The following ABCG8 variants were observed in gnomAD, a reference collection of about 807,000 sequenced individuals.
ABCG8 encodes the protein ATP binding cassette subfamily G member 8.
A neutral mutation model predicts 71.3 loss-of-function variants in ABCG8; 81 were observed. The ratio of observed to expected loss-of-function variants is 1.14; its 90% confidence interval spans 0.95 to 1.37. The LOEUF (loss-of-function observed/expected upper bound fraction) is 1.37, where lower values mean the gene tolerates loss of function less well. ABCG8 is among the 40% of genes most tolerant of loss of function. The pLI is 0.00. For missense variants in ABCG8, 1,119 were observed against 866.2 expected (o/e 1.29, Z -3.66); for synonymous variants, 451 against 354.7 (o/e 1.27, Z -3.05).
intron 1 of ABCG8, 110 bp downstream of exon 1, chr2:43,839,226 C>T (rs1668471534): frequency 8.3e-7 from 1 of 1,211,718 alleles, no homozygotes; most frequent in South Asian, 1.3e-5. Context: ...GGACATCAAG[C>T]AGTGTGAGGA....
In ABCG8 at chr2:43,839,079, G is replaced by C; in HGVS notation, c.26G>C (p.Arg9Thr). 1 of 1,551,220 alleles carries C rather than the reference G, an allele frequency of 6.4e-7. No homozygotes were observed. Among genetic ancestry groups the C allele is most frequent in the Non-Finnish European group, 8.7e-7 (1 of 1,146,814 alleles). ...ATGGCCGGGAAGGCGGCAGAGGAGA[G>C]AGGGCTGCCGAAAGGGGCCACTCCC... The part of the protein sequence containing the change: MAGKAAEE[R>T]GLPKGATPQD... The change falls in exon 1 of 13, where the codon AGA becomes ACA. Residue 9 changes from arginine to threonine, a missense_variant. By Grantham distance (71) the Arg-to-Thr change is moderately conservative. Coordinates refer to ENST00000272286, the MANE Select transcript of ABCG8 (RefSeq NM_022437.3).
At chr2:43,846,091 A>G in intron 2 of ABCG8, 64 bp from the exon 3 acceptor site, 1 of 1,583,388 alleles carries the variant, frequency 6.3e-7, no homozygotes, top group Non-Finnish European at 8.7e-7. Context: ...GATGCTGAAC[A>G]GAAGTTGCTG....
At chr2:43,851,422 C>T (rs1668909801) in intron 3 of ABCG8, among the ~76,000 whole-genome samples, 162 bp from the exon 4 acceptor site, 2 of 152,354 alleles carry the variant, frequency 1.3e-5, no homozygotes, top group Middle Eastern at 6.8e-3. Flanking sequence ...TGTCCTGGGC[C>T]CACCCCATCT....
chr2:43,880,562 T>C lies in ABCG8; in HGVS notation c.*2649T>C, dbSNP rs4521094. 0.27 allele frequency: 40,515 copies of C among 151,840 alleles called. 6,007 individuals carry two copies. Among genetic ancestry groups the C allele is most frequent in the East Asian group, 0.59 (3,065 of 5,156 alleles). The allele number at this position is 151,840 out of a possible 1,614,324, so 9.4% of individuals were successfully genotyped here. A position where few individuals can be genotyped will look rare whatever the true frequency, so the allele number is the denominator to read the frequency against. On this transcript the variant is annotated 3_prime_UTR_variant, in exon 13 of 13. Transcript: ENST00000272286. ...GGGTTCCTCTTAGTGGAAAATGGTA[T>C]TTAGAAGCCAAGGTTTTGGTGATAA...
At chr2:43,853,392 C>T (rs762518155) in intron 6 of ABCG8, among the ~76,000 whole-genome samples, 7 of 152,186 alleles carry the variant, frequency 4.6e-5, no homozygotes, top group Non-Finnish European at 1.0e-4. Context: ...GCATATTACA[C>T]TCAGGGAGCA....
At chr2:43,874,975 G>A (rs1572867328) in intron 10 of ABCG8, among the ~76,000 whole-genome samples, 171 bp from the exon 11 acceptor site, 1 of 152,122 alleles carries the variant, frequency 6.6e-6, no homozygotes, top group African/African-American at 2.4e-5. Flanking sequence ...ATCTGCAAGG[G>A]GGAGGCCAGC....
At chr2:43,858,910 C>G (rs1669207404) in intron 6 of ABCG8, among the ~76,000 whole-genome samples, 1 of 151,588 alleles carries the variant, frequency 6.6e-6, no homozygotes, top group Non-Finnish European at 1.5e-5. Context: ...ATAGAATTCT[C>G]ACCCTCTGGA....
At chr2:43,860,350 A>C (rs547384344) in intron 6 of ABCG8, among the ~76,000 whole-genome samples, 1 of 151,020 alleles carries the variant, frequency 6.6e-6, no homozygotes, top group South Asian at 2.1e-4. Flanking sequence ...AACTCTCACT[A>C]TTTGGATAGA....
chr2:43,857,510 C>G (rs1669155044), intron 6 of ABCG8, among the ~76,000 whole-genome samples: 1 of 149,332 alleles, frequency 6.7e-6, no homozygotes, highest in Non-Finnish European at 1.5e-5. Context: ...TGGAAAGAAC[C>G]CTCACTATCT....
chr2:43,843,015 T>A (rs969459239), intron 1 of ABCG8, among the ~76,000 whole-genome samples: 2 of 152,174 alleles, frequency 1.3e-5, no homozygotes, highest in African/African-American at 4.8e-5. Context: ...GACTGCTGTA[T>A]GTTATTTGTT....
rs140690030 is a variant in ABCG8, at chr2:43,875,302, G to C, written c.1645G>C (p.Ala549Pro). ...VFCCRIMALA[A>P]AALLPTFHMA... Reference sequence around the variant, plus strand: ...CTGTTGCAGGATTATGGCCCTGGCCGCCGCGGCCCTGCTCCCCACCTTCCA... The same window carrying C: ...CTGTTGCAGGATTATGGCCCTGGCCCCCGCGGCCCTGCTCCCCACCTTCCA... The change falls in exon 11 of 13, where the codon GCC (alanine) becomes CCC (proline). Residue 549 changes from alanine (A) to proline (P), a missense_variant. By Grantham distance (27) the Ala-to-Pro change is conservative. Coordinates refer to ENST00000272286, the MANE Select transcript of ABCG8 (RefSeq NM_022437.3). The C allele has an allele frequency of 6.2e-7, 1 of 1,614,076 alleles. No homozygotes were observed. Among genetic ancestry groups the C allele is most frequent in the Non-Finnish European group, 8.5e-7 (1 of 1,180,034 alleles).
chr2:43,842,427 C>A (rs1668609190), intron 1 of ABCG8, among the ~76,000 whole-genome samples: 1 of 152,200 alleles, frequency 6.6e-6, no homozygotes, highest in South Asian at 2.1e-4. Flanking sequence ...AAGGGCTGAT[C>A]TGCCAGGAGT....
At position 43,851,686 on chromosome 2, in the gene ABCG8, A is replaced by G; in HGVS notation, c.425A>G (p.Gln142Arg). Reference sequence around the variant, plus strand: ...ATCAATGGGCAGCCCAGCTCGCCTCAGCTGGTGAGGAAGTGTGTGGCCCAC... The same window carrying G: ...ATCAATGGGCAGCCCAGCTCGCCTCGGCTGGTGAGGAAGTGTGTGGCCCAC... ...IWINGQPSSP[Q>R]LVRKCVAHVR... Residue 142 changes from glutamine to arginine, a missense_variant, in exon 4 of 13, where the codon CAG becomes CGG. Gln to Arg is a conservative substitution (Grantham distance 43, BLOSUM62 1). Transcript: ENST00000272286. 6.2e-7 allele frequency: 1 copy of G among 1,614,258 alleles called. No homozygotes were observed. Among genetic ancestry groups the G allele is most frequent in the Non-Finnish European group, 8.5e-7 (1 of 1,180,046 alleles).
chr2:43,839,052 C>G lies in ABCG8; in HGVS notation c.-2C>G. ...GCCCAGGGTCACAGACCTGTGGGCC[C>G]CATGGCCGGGAAGGCGGCAGAGGAG... On this transcript the variant is annotated 5_prime_UTR_variant, in exon 1 of 13. Transcript: ENST00000272286. 1.3e-6 allele frequency: 2 copies of G among 1,550,972 alleles called. No homozygotes were observed. Among genetic ancestry groups the G allele is most frequent in the Non-Finnish European group, 1.7e-6 (2 of 1,146,794 alleles).
intron 3 of ABCG8, chr2:43,846,802 A>G (rs970252881): frequency 1.1e-5 from 2 of 178,456 alleles, no homozygotes; most frequent in Non-Finnish European, 2.4e-5. Flanking sequence ...AGTGCCTCAA[A>G]TTGTCATTTC....
chr2:43,842,013 A>ATT, intron 1 of ABCG8, among the ~76,000 whole-genome samples: 1 of 149,298 alleles, frequency 6.7e-6, no homozygotes, highest in South Asian at 2.1e-4. Flanking sequence ...AATGGATAAG[A>ATT]TTTTTTTTTT....
At chr2:43,867,744 C>T (rs559711461) in intron 6 of ABCG8, among the ~76,000 whole-genome samples, 2 of 147,896 alleles carry the variant, frequency 1.4e-5, no homozygotes, top group Non-Finnish European at 3.0e-5. Flanking sequence ...GAATTCTCAC[C>T]CTCTGGATAG....
intron 4 of ABCG8, 88 bp downstream of exon 4, chr2:43,851,910 C>A: frequency 6.9e-7 from 1 of 1,444,750 alleles, no homozygotes; most frequent in Non-Finnish European, 9.6e-7. Context: ...TGCCTCAGGA[C>A]CCAGCCGCAG....
At position 43,877,862 on chromosome 2, in the gene ABCG8, G is replaced by A; in HGVS notation, c.1971G>A (p.Leu657=). 1.9e-6 allele frequency: 3 copies of A among 1,614,070 alleles called. No individual in the cohort carries two copies. Among genetic ancestry groups the A allele is most frequent in the Admixed American group, 1.7e-5 (1 of 60,024 alleles). Residue 657 remains leucine (L), a synonymous_variant, in exon 13 of 13, where the codon CTG becomes CTA. Transcript: ENST00000272286. ...GCCTCAGCGGTGGCTTCATGGTCCT[G>A]TACTACGTGTCCTTAAGGTTCATCA... ...VIGLSGGFMV[L]YYVSLRFIKQ...
Sources: gnomAD v4.1 joint callset for allele counts (sites outside exome capture counted in the v4.1 genomes callset) on GRCh38, gnomAD v4.1.1 for gene constraint, MANE v1.5 for transcripts, NCBI Gene and HGNC (gene_info 2026-07-23, HGNC 2026-07-21) for gene names.